The following FANCA variants were observed in gnomAD, a reference collection of about 807,000 sequenced individuals.
FANCA encodes the protein Fanconi anemia group A protein.
A neutral mutation model predicts 194.3 loss-of-function variants in FANCA; 236 were observed. That is an observed-to-expected ratio of 1.21 (90% CI 1.09 to 1.35). FANCA has a LOEUF of 1.35. Among genes scored for constraint, FANCA ranks in the 40% most tolerant of loss-of-function variants. The pLI is 0.00. For missense variants in FANCA, 2,628 were observed against 1,813.9 expected (o/e 1.45, Z -8.15); for synonymous variants, 1,014 against 715.8 (o/e 1.42, Z -6.65).
Position 89,770,623 on chromosome 16 carries a change from G to A in FANCA, c.2163C>T (p.Leu721=). The change falls in exon 24 of 43, where the codon CTC becomes CTT. Residue 721 remains leucine, a synonymous_variant. Coordinates refer to ENST00000389301, the MANE Select transcript of FANCA (RefSeq NM_000135.4). ...LEPREHMAVD[L]LLTSFCQNLM... ...GGTTCTGACAGAAAGACGTCAGCAG[G>A]AGGTCCACAGCCTGCAGAGACACAG... The A allele has an allele frequency of 6.2e-7, 1 of 1,610,330 alleles. No individual in the cohort carries two copies. The highest frequency in any genetic ancestry group is 8.5e-7 in the Non-Finnish European group (1 of 1,178,370).
Position 89,758,605 on chromosome 16 carries a change from C to G in FANCA, c.2953G>C (p.Val985Leu), listed in dbSNP as rs749510446. The change falls in exon 30 of 43, where the codon GTC becomes CTC. Residue 985 changes from valine (V) to leucine (L), a missense_variant. Transcript: ENST00000389301. ...TGGTGGAAATCCATCAGTGCGTTGA[C>G]AAGAATGGTACACGCAGCCTGCAGG... is the stretch of plus-strand genomic sequence containing the variant. ...GDLQAACTIL[V>L]NALMDFHQSS... 5 of 1,614,022 alleles carry G rather than the reference C, an allele frequency of 3.1e-6. No homozygotes were observed. In the South Asian group the frequency reaches 5.5e-5, roughly 18 times the overall value.
At chr16:89,752,061 C>T (rs960961263) in intron 31 of FANCA, 77 bp downstream of exon 31, 34 of 1,329,816 alleles carry the variant, frequency 2.6e-5, no homozygotes, top group Middle Eastern at 1.9e-4. Context: ...TGAGCCACCG[C>T]GCCTGGCAAT....
At chr16:89,798,623 CA>C in intron 10 of FANCA, 1 of 1,175,378 alleles carries the variant, frequency 8.5e-7, no homozygotes, top group Non-Finnish European at 1.1e-6. Context: ...ACCCAGCCCC[CA>C]CTCCTCAGCT....
At chr16:89,784,075 T>C (rs2039813765) in intron 15 of FANCA, among the ~76,000 whole-genome samples, 1 of 151,860 alleles carries the variant, frequency 6.6e-6, no homozygotes, top group African/African-American at 2.4e-5. Flanking sequence ...TCTTAAAAGA[T>C]GAGGGTCAGG....
At chr16:89,767,040 G>C in intron 27 of FANCA, 101 bp downstream of exon 27, 1 of 955,056 alleles carries the variant, frequency 1.0e-6, no homozygotes, top group Non-Finnish European at 1.7e-6. Context: ...CTGCCCCTGA[G>C]ATGGGCACAA....
intron 31 of FANCA, among the ~76,000 whole-genome samples, chr16:89,750,869 A>G (rs1178613701): frequency 6.6e-6 from 1 of 151,990 alleles, no homozygotes; most frequent in African/African-American, 2.4e-5. Flanking sequence ...TACCCCACAC[A>G]TCATTTTTGC....
chr16:89,780,344 G>A (rs2039657636), intron 17 of FANCA, among the ~76,000 whole-genome samples: 1 of 152,166 alleles, frequency 6.6e-6, no homozygotes, highest in Non-Finnish European at 1.5e-5. Flanking sequence ...TACGAGGGCT[G>A]GGTGCCATGA....
intron 9 of FANCA, 64 bp from the exon 10 acceptor site, chr16:89,799,296 TC>T: frequency 6.3e-7 from 1 of 1,593,750 alleles, no homozygotes; most frequent in Non-Finnish European, 8.6e-7. Context: ...CCAGAAACAA[TC>T]CCCAGGCGCT....
Position 89,737,883 on chromosome 16 carries a change from C to A in FANCA, c.*718G>T. 6.2e-7 allele frequency: 1 copy of A among 1,613,604 alleles called. No homozygotes were observed. The highest frequency in any genetic ancestry group is 8.5e-7 in the Non-Finnish European group (1 of 1,179,906). On this transcript the variant is annotated 3_prime_UTR_variant, in exon 43 of 43. Transcript: ENST00000389301. Reference sequence around the variant, plus strand: ...GCACCTTCTCGTCCACCAAATGCGACATTCGGGAGCCAAGCCTTTGCAGTA... The same window carrying A: ...GCACCTTCTCGTCCACCAAATGCGAAATTCGGGAGCCAAGCCTTTGCAGTA...
intron 28 of FANCA, among the ~76,000 whole-genome samples, chr16:89,764,211 A>T (rs2039048801): frequency 6.6e-6 from 1 of 152,254 alleles, no homozygotes; most frequent in African/African-American, 2.4e-5. Flanking sequence ...CACTGAGCAC[A>T]GCGAGACGTT....
chr16:89,785,467 G>A (rs964108020), intron 14 of FANCA, among the ~76,000 whole-genome samples: 5 of 152,140 alleles, frequency 3.3e-5, no homozygotes, highest in African/African-American at 1.2e-4. Context: ...AGAGAGGTGG[G>A]TAAGGAACAC....
At chr16:89,777,983 G>A (rs1419040033) in intron 20 of FANCA, among the ~76,000 whole-genome samples, 2 of 152,012 alleles carry the variant, frequency 1.3e-5, no homozygotes, top group African/African-American at 4.8e-5. Flanking sequence ...CTAACATGGT[G>A]AAACCCCGTC....
chr16:89,811,165 G>A (rs771236144), intron 3 of FANCA, 94 bp from the exon 4 acceptor site: 7 of 1,532,830 alleles, frequency 4.6e-6, no homozygotes, highest in Non-Finnish European at 5.4e-6. Flanking sequence ...ATTTTAAGAT[G>A]CAGCACAAAA....
intron 14 of FANCA, 41 bp from the exon 15 acceptor site, chr16:89,785,005 G>A (rs375881930): frequency 2.6e-5 from 38 of 1,452,720 alleles, no homozygotes; most frequent in Middle Eastern, 1.7e-4. Context: ...ACAGCCAGGC[G>A]CGGCTGCACC....
In FANCA at chr16:89,745,071, C is replaced by T. The variant is rs548106271; in HGVS notation, c.3514G>A (p.Val1172Met). 6 of 1,601,098 alleles carry T rather than the reference C, an allele frequency of 3.7e-6. No individual in the cohort carries two copies. Among genetic ancestry groups the T allele is most frequent in the South Asian group, 2.2e-5 (2 of 89,828 alleles). ...ACAGGCTCCAGGCTCGGCCACCACA[C>T]CTATGGAGAGAGCACCAGCACACAG... The part of the protein sequence containing the change: ...KCPLILTSAL[V>M]WWPSLEPVLL... The change falls in exon 36 of 43, where the codon GTG becomes ATG. Residue 1172 changes from valine (V) to methionine (M), a missense_variant and splice_region_variant. Physicochemically the swap from Val to Met is conservative, Grantham distance 21. Coordinates refer to ENST00000389301, the MANE Select transcript of FANCA (RefSeq NM_000135.4).
At chr16:89,797,103 T>A (rs1367940475) in intron 10 of FANCA, among the ~76,000 whole-genome samples, 1 of 152,030 alleles carries the variant, frequency 6.6e-6, no homozygotes, top group East Asian at 1.9e-4. Context: ...GAGCTTGCAG[T>A]GAGCAGAGAT....
At chr16:89,773,043 C>T (rs55723556) in intron 22 of FANCA, among the ~76,000 whole-genome samples, 65 of 152,086 alleles carry the variant, frequency 4.3e-4, no homozygotes, top group African/African-American at 1.3e-3. Context: ...TGCAACTAGC[C>T]GAATATTCAC....
At chr16:89,807,402 C>G (rs1163706985) in intron 6 of FANCA, among the ~76,000 whole-genome samples, 1 of 151,502 alleles carries the variant, frequency 6.6e-6, no homozygotes, top group Non-Finnish European at 1.5e-5. Flanking sequence ...TGCAGCGAGC[C>G]CAGATCTCAC....
intron 36 of FANCA, 63 bp from the exon 37 acceptor site, chr16:89,743,001 C>A: frequency 1.3e-6 from 2 of 1,578,494 alleles, no homozygotes; most frequent in Non-Finnish European, 8.6e-7. Flanking sequence ...CCATAGAAAC[C>A]AAGTCCTTAT....
Sources: gnomAD v4.1 joint callset for allele counts (sites outside exome capture counted in the v4.1 genomes callset) on GRCh38, gnomAD v4.1.1 for gene constraint, MANE v1.5 for transcripts, NCBI Gene and HGNC (gene_info 2026-07-23, HGNC 2026-07-21) for gene names.